TRAPPC9: variants seen among roughly 807,000 people sequenced by gnomAD.
TRAPPC9 encodes trafficking protein particle complex subunit 9.
Under a neutral mutation model 124.0 loss-of-function variants are expected in TRAPPC9, and 83 were observed. The observed-to-expected ratio is 0.67, with a 90% CI of 0.56 to 0.80. The LOEUF is 0.80. Ranked by LOEUF, TRAPPC9 falls within the 30% of genes least tolerant of loss-of-function variation. The pLI, the probability that TRAPPC9 is intolerant of heterozygous loss-of-function variation, is 0.00. For synonymous variants in TRAPPC9, 638 were observed against 617.5 expected (o/e 1.03, Z -0.49); for missense variants, 1,302 against 1,508.3 (o/e 0.86, Z 2.27).
At chr8:139,945,685 A>C (rs954602193) in intron 19 of TRAPPC9, among the ~76,000 whole-genome samples, 1 of 152,110 alleles carries the variant, frequency 6.6e-6, no homozygotes, top group African/African-American at 2.4e-5. Context: ...GTCCTCTTCC[A>C]GTGCATAAGG....
chr8:140,422,681 G>A (rs1356159504), intron 5 of TRAPPC9, among the ~76,000 whole-genome samples: 1 of 147,486 alleles, frequency 6.8e-6, no homozygotes, highest in African/African-American at 2.5e-5. Context: ...TCGAACCCGG[G>A]TGGCAGGGGT....
intron 21 of TRAPPC9, among the ~76,000 whole-genome samples, chr8:139,789,879 G>A (rs969111655): frequency 2.6e-5 from 4 of 152,152 alleles, no homozygotes; most frequent in African/African-American, 9.7e-5. Flanking sequence ...GCCGGCCTCA[G>A]TGCAGCATTT....
chr8:139,846,881 C>G (rs540561782), intron 21 of TRAPPC9, among the ~76,000 whole-genome samples: 1 of 152,344 alleles, frequency 6.6e-6, no homozygotes, highest in East Asian at 1.9e-4. Flanking sequence ...CATTCAAGAC[C>G]ACAGCAAATC....
At chr8:140,345,575 A>G (rs1414194258) in intron 9 of TRAPPC9, among the ~76,000 whole-genome samples, 1 of 152,182 alleles carries the variant, frequency 6.6e-6, no homozygotes, top group Non-Finnish European at 1.5e-5. Flanking sequence ...TGGGACAGAT[A>G]TGTATTGGCC....
At chr8:140,259,235 T>C (rs760400371) in intron 15 of TRAPPC9, among the ~76,000 whole-genome samples, 1 of 152,214 alleles carries the variant, frequency 6.6e-6, no homozygotes, top group Non-Finnish European at 1.5e-5. Context: ...AGAAACTCTA[T>C]GCGTCCTTCA....
At chr8:139,882,669 C>T (rs536406918) in intron 21 of TRAPPC9, among the ~76,000 whole-genome samples, 3 of 152,188 alleles carry the variant, frequency 2.0e-5, no homozygotes, top group African/African-American at 4.8e-5. Context: ...AGGAGGGTGG[C>T]GAGGAGACAG....
At chr8:140,286,508 G>C (rs1385913496) in intron 13 of TRAPPC9, among the ~76,000 whole-genome samples, 1 of 152,188 alleles carries the variant, frequency 6.6e-6, no homozygotes, top group East Asian at 1.9e-4. Context: ...TGATCTGCAA[G>C]ACCGGAAGGG....
chr8:140,287,846 T>C, intron 12 of TRAPPC9, 112 bp from the exon 13 acceptor site: 2 of 1,441,042 alleles, frequency 1.4e-6, no homozygotes, highest in Non-Finnish European at 1.9e-6. Flanking sequence ...TGGAATAAAA[T>C]CACCAACAGT....
chr8:139,936,393 G>A (rs1485702908), intron 19 of TRAPPC9, among the ~76,000 whole-genome samples: 7 of 152,352 alleles, frequency 4.6e-5, no homozygotes, highest in African/African-American at 1.4e-4. Flanking sequence ...CAAAGGAAGC[G>A]CAGCCCCTGC....
intron 19 of TRAPPC9, among the ~76,000 whole-genome samples, chr8:139,929,798 G>T (rs1233986650): frequency 1.3e-5 from 2 of 152,248 alleles, no homozygotes; most frequent in African/African-American, 4.8e-5. Context: ...GCGCTGGCCA[G>T]GTGTTCAAGG....
In TRAPPC9 at chr8:140,087,269, A is replaced by G. The variant is rs968191359; in HGVS notation, c.2557-63190T>C. Among the ~76,000 whole-genome samples, 1 of 150,714 alleles carries G rather than the reference A, an allele frequency of 6.6e-6. No individual in the cohort carries two copies. ...CCCGTGCCCTCCCCCCGGCCCCATC[A>G]CCCTGCAGATGTCGGGGTGCCTCGA... is the stretch of plus-strand genomic sequence containing the variant. On this transcript the variant is annotated intron_variant, in intron 17 of 22. Coordinates refer to ENST00000438773, the MANE Select transcript of TRAPPC9 (RefSeq NM_001160372.4). The surrounding 1 kb of genome is among the most constrained non-coding windows in gnomAD (Gnocchi z 4.6).
rs1201895076 is a variant in TRAPPC9, at chr8:139,804,092, A to G, written c.3056-71890T>C. On this transcript the variant is annotated intron_variant, in intron 21 of 22. Coordinates refer to ENST00000438773, the MANE Select transcript of TRAPPC9 (RefSeq NM_001160372.4). ...GCCGCCACCACCACGACGCACCACC[A>G]CCACCACTCACCACCACCACCAAAC... Among the ~76,000 whole-genome samples the G allele has an allele frequency of 2.0e-5, 3 of 146,852 alleles. No homozygotes were observed. The Admixed American group carries it at 2.1e-4, about 10-fold the overall frequency.
At chr8:139,958,358 G>A (rs1835136812) in intron 19 of TRAPPC9, among the ~76,000 whole-genome samples, 1 of 152,122 alleles carries the variant, frequency 6.6e-6, no homozygotes, top group Non-Finnish European at 1.5e-5. Context: ...ATCTCAGCAT[G>A]CTGGAACCAC....
intron 21 of TRAPPC9, among the ~76,000 whole-genome samples, chr8:139,854,910 C>A (rs888893675): frequency 6.6e-6 from 1 of 152,180 alleles, no homozygotes; most frequent in Non-Finnish European, 1.5e-5. Context: ...AATCACCCAA[C>A]CTGGCTACCC....
In TRAPPC9 at chr8:140,400,508, C is replaced by T. The variant is rs544863988; in HGVS notation, c.1009-2763G>A. Among the ~76,000 whole-genome samples the T allele has an allele frequency of 6.6e-5, 10 of 152,300 alleles. No homozygotes were observed. In the East Asian group the frequency reaches 1.5e-3, roughly 23 times the overall value. On this transcript the variant is annotated intron_variant, in intron 6 of 22. Transcript: ENST00000438773. Reference sequence around the variant, plus strand: ...TCATTTTACTTGGTTGCAAAACATCCGGCTCCCTGTGTGCTCAATGCTTTC... The same window carrying T: ...TCATTTTACTTGGTTGCAAAACATCTGGCTCCCTGTGTGCTCAATGCTTTC...
At chr8:139,779,700 T>C (rs1394501213) in intron 21 of TRAPPC9, among the ~76,000 whole-genome samples, 4 of 152,106 alleles carry the variant, frequency 2.6e-5, no homozygotes, top group African/African-American at 9.7e-5. Context: ...ATAAAAGAGT[T>C]ATAGCTAATA....
At chr8:140,224,880 G>A (rs2063410913) in intron 16 of TRAPPC9, among the ~76,000 whole-genome samples, 1 of 152,278 alleles carries the variant, frequency 6.6e-6, no homozygotes, top group Admixed American at 6.5e-5. Context: ...ACCTCCTGCT[G>A]ATCTGTATAC....
intron 20 of TRAPPC9, among the ~76,000 whole-genome samples, chr8:139,895,934 C>G (rs1051212853): frequency 1.3e-5 from 2 of 152,216 alleles, no homozygotes; most frequent in African/African-American, 4.8e-5. Context: ...CAGGCCCGGC[C>G]AGGCTGAGAA....
rs140143405 is a variant in TRAPPC9, at chr8:139,835,668, T to A, written c.3055+50211A>T. Among the ~76,000 whole-genome samples the A allele has an allele frequency of 4.2e-3, 647 of 152,306 alleles. 5 individuals are homozygous for A. Among genetic ancestry groups the A allele is most frequent in the African/African-American group, 0.015 (607 of 41,554 alleles). Reference sequence around the variant, plus strand: ...AGACACTGCTGCCAAATCTGCTTTCTTTAATTAAGGCGGAGATTGATAAGA... The same window carrying A: ...AGACACTGCTGCCAAATCTGCTTTCATTAATTAAGGCGGAGATTGATAAGA... On this transcript the variant is annotated intron_variant, in intron 21 of 22. Transcript: ENST00000438773.
Sources: allele counts gnomAD v4.1 joint callset (sites outside exome capture counted in the v4.1 genomes callset), GRCh38; gene constraint gnomAD v4.1.1; non-coding constraint Gnocchi (gnomAD v3.1); transcripts MANE v1.5; gene names NCBI Gene and HGNC (gene_info 2026-07-23, HGNC 2026-07-21).